The following MDM1 variants were observed in gnomAD, a reference collection of about 807,000 sequenced individuals.
MDM1 encodes the protein Mdm1 nuclear protein.
A neutral mutation model predicts 89.1 loss-of-function variants in MDM1; 61 were observed. That is an observed-to-expected ratio of 0.68 (90% CI 0.56 to 0.85). MDM1 has a LOEUF of 0.85. MDM1 is among the 40% of genes least tolerant of loss of function. MDM1 has a pLI of 0.00. For missense variants in MDM1, 820 were observed against 846.5 expected, an observed-to-expected ratio of 0.97 and a Z score of 0.39; for synonymous variants, 290 against 294.1, an observed-to-expected ratio of 0.99 and a Z score of 0.14.
rs1301029370 is a variant in MDM1 at position 68,330,211 on chromosome 12, T to C, written c.133+896A>G. On this transcript the variant is annotated intron_variant, in intron 2 of 14. Coordinates refer to ENST00000682720, the MANE Select transcript of MDM1 (RefSeq NM_001354969.2). Reference sequence around the variant, plus strand: ...TTGAGTGACTTGCTTACTGTTTCTCTCCACAGTTAAGGGACTTTGGTTCAG... The same window carrying C: ...TTGAGTGACTTGCTTACTGTTTCTCCCCACAGTTAAGGGACTTTGGTTCAG... Among the ~76,000 whole-genome samples, 5 of 152,204 alleles carry C rather than the reference T, an allele frequency of 3.3e-5. No homozygotes were observed. In the East Asian group the frequency reaches 9.6e-4, roughly 29 times the overall value.
Position 68,316,058 on chromosome 12 carries a change from A to G in MDM1, c.1211+20T>C. 2 of 1,571,158 alleles carry G rather than the reference A, an allele frequency of 1.3e-6. No individual in the cohort carries two copies. ...TAAGCTTCAACAAACTTTTTTTGCC[A>G]TCCACAAAGAATATCTCACCCAGCA... On this transcript the variant is annotated intron_variant, in intron 9 of 14. Coordinates refer to ENST00000682720, the MANE Select transcript of MDM1 (RefSeq NM_001354969.2).
At chr12:68,310,854 C>A (rs1460716010) in intron 12 of MDM1, among the ~76,000 whole-genome samples, 1 of 152,212 alleles carries the variant, frequency 6.6e-6, no homozygotes, top group Non-Finnish European at 1.5e-5. Flanking sequence ...TCTGAATGTT[C>A]TCTATTCTAC....
chr12:68,326,534 A>G, intron 3 of MDM1, 123 bp downstream of exon 3: 1 of 1,599,830 alleles, frequency 6.3e-7, no homozygotes, highest in Non-Finnish European at 8.5e-7. Context: ...CTATTCTTAT[A>G]GACATTAGAC....
At chr12:68,324,078 AAT>A (rs1309191539) in intron 4 of MDM1, among the ~76,000 whole-genome samples, 1 of 152,174 alleles carries the variant, frequency 6.6e-6, no homozygotes, top group African/African-American at 2.4e-5. Flanking sequence ...CTCTGAATTC[AAT>A]ATGCTTTGAA....
intron 1 of MDM1, among the ~76,000 whole-genome samples, chr12:68,331,628 G>A (rs752290377): frequency 6.6e-6 from 1 of 152,116 alleles, no homozygotes; most frequent in Non-Finnish European, 1.5e-5. Context: ...GTCAACAAAA[G>A]GCAAACTCCC....
Position 68,302,664 on chromosome 12 carries a change from C to A in MDM1, c.1958G>T (p.Arg653Leu). Residue 653 changes from arginine to leucine, a missense_variant, in exon 13 of 15, where the codon CGA (arginine) becomes CTA (leucine). Coordinates refer to ENST00000682720, the MANE Select transcript of MDM1 (RefSeq NM_001354969.2). ...ATCTCTAAGAGAGCCCTGAATTCGT[C>A]GAGAGGGATGCCAGTAGGATGGAAC... Reference protein sequence around the residue: ...PHVPSYWHPSRRIQGSLRDPE... With the variant: ...PHVPSYWHPSLRIQGSLRDPE... The A allele has an allele frequency of 1.2e-6, 2 of 1,613,676 alleles. No homozygotes were observed. Among genetic ancestry groups the A allele is most frequent in the Non-Finnish European group, 1.7e-6 (2 of 1,179,816 alleles).
chr12:68,313,995 G>C (rs1874091998), intron 10 of MDM1, among the ~76,000 whole-genome samples: 1 of 152,028 alleles, frequency 6.6e-6, no homozygotes. Flanking sequence ...AAATTAGCTG[G>C]GTGTGGTGGC....
At chr12:68,326,416 CAGG>C (rs1875983912) in intron 3 of MDM1, 18 of 1,449,830 alleles carry the variant, frequency 1.2e-5, no homozygotes, top group Non-Finnish European at 1.5e-5. Flanking sequence ...AATCCAGACG[CAGG>C]AGGTCCATCC....
rs540944226 is a variant in MDM1, at chr12:68,295,454, C to T, written c.2063-88G>A. 4 of 826,844 alleles carry T rather than the reference C, an allele frequency of 4.8e-6. No individual in the cohort carries two copies. In the African/African-American group the frequency reaches 7.1e-5, roughly 15 times the overall value. 51.2% of individuals were successfully genotyped at this position (826,844 alleles called of 1,614,324 possible). A position where few individuals can be genotyped will look rare whatever the true frequency, so the allele number is the denominator to read the frequency against. On this transcript the variant is annotated intron_variant, in intron 14 of 14. Transcript: ENST00000682720. ...GTTTTATATAACAGAAAATTAAAAGCATCAAACTGTGTTATCAATGTCAAG... is the reference window on the plus strand; with the variant it reads ...GTTTTATATAACAGAAAATTAAAAGTATCAAACTGTGTTATCAATGTCAAG...
In MDM1 at chr12:68,295,204, A is replaced by G. The variant is rs1281493830; in HGVS notation, c.*50T>C. The stretch of plus-strand genomic sequence containing the variant: ...AAAAAATTTTAACACAGTAAGCAAT[A>G]AAGAAAAATTATGCCAATGTTTCCT... On this transcript the variant is annotated 3_prime_UTR_variant, in exon 15 of 15. Coordinates refer to ENST00000682720, the MANE Select transcript of MDM1 (RefSeq NM_001354969.2). 8.0e-7 allele frequency: 1 copy of G among 1,255,224 alleles called. No individual in the cohort carries two copies. The highest frequency in any genetic ancestry group is 1.1e-6 in the Non-Finnish European group (1 of 885,500). The allele number at this position is 1,255,224 out of a possible 1,614,324, so 77.8% of individuals were successfully genotyped here.
intron 5 of MDM1, among the ~76,000 whole-genome samples, chr12:68,322,118 C>T (rs139636421): frequency 5.0e-4 from 76 of 152,246 alleles, no homozygotes; most frequent in African/African-American, 1.8e-3. Flanking sequence ...CTTGTAATTA[C>T]ATACTTTCTA....
intron 5 of MDM1, among the ~76,000 whole-genome samples, 160 bp from the exon 6 acceptor site, chr12:68,321,788 G>C (rs2121081781): frequency 6.6e-6 from 1 of 152,198 alleles, no homozygotes; most frequent in East Asian, 1.9e-4. Flanking sequence ...CAACAAAGAA[G>C]TTTTGAAATT....
At position 68,302,681 on chromosome 12, in the gene MDM1, G is replaced by A; in HGVS notation, c.1941C>T (p.Ser647=). The A allele has an allele frequency of 6.2e-7, 1 of 1,613,928 alleles. No individual in the cohort carries two copies. Among genetic ancestry groups the A allele is most frequent in the Non-Finnish European group, 8.5e-7 (1 of 1,179,880 alleles). The change falls in exon 13 of 15, where the codon TCC becomes TCT. Residue 647 remains serine (S), a synonymous_variant. Coordinates refer to ENST00000682720, the MANE Select transcript of MDM1 (RefSeq NM_001354969.2). ...GQLPSPPHVP[S]YWHPSRRIQG... is the part of the protein sequence containing the mutation. ...GAATTCGTCGAGAGGGATGCCAGTA[G>A]GATGGAACATGTGGTGGAGAAGGCA...
chr12:68,323,182 T>C lies in MDM1; in HGVS notation c.692A>G (p.Glu231Gly), dbSNP rs763038499. 5.6e-6 allele frequency: 9 copies of C among 1,610,188 alleles called. No individual in the cohort carries two copies. In the East Asian group the frequency reaches 2.0e-4, roughly 36 times the overall value. The change falls in exon 5 of 15, where the codon GAA becomes GGA. Residue 231 changes from glutamate to glycine, a missense_variant. Transcript: ENST00000682720. ...PPFKGNSVIH[E>G]TEYKRNFKGL... ...CTTGAAATTTCTTTTGTATTCAGTT[T>C]CATGGATGACTGAGTTACCTTTGAA... is the stretch of plus-strand genomic sequence containing the variant.
intron 14 of MDM1, 76 bp from the exon 15 acceptor site, chr12:68,295,442 G>GA (rs1411890178): frequency 1.1e-6 from 1 of 941,894 alleles, no homozygotes; most frequent in Non-Finnish European, 1.6e-6. Context: ...TTATATAACA[G>GA]AAAATTAAAA....
intron 7 of MDM1, 132 bp from the exon 8 acceptor site, chr12:68,316,742 T>G: frequency 2.7e-6 from 2 of 753,578 alleles, no homozygotes; most frequent in Non-Finnish European, 4.3e-6. Flanking sequence ...TTCTTGGGAT[T>G]TTTAGTAATT....
chr12:68,298,827 T>C (rs1045307490), intron 13 of MDM1, among the ~76,000 whole-genome samples: 1 of 152,116 alleles, frequency 6.6e-6, no homozygotes, highest in African/African-American at 2.4e-5. Context: ...GCCTGAACTA[T>C]CAACTCAGTA....
intron 4 of MDM1, chr12:68,323,478 T>C (rs1050240172): frequency 1.6e-5 from 5 of 321,392 alleles, no homozygotes; most frequent in Non-Finnish European, 2.2e-5. Flanking sequence ...AAAATAAACG[T>C]TGGCATATTT....
chr12:68,309,893 A>G (rs1873453306), intron 12 of MDM1, among the ~76,000 whole-genome samples: 1 of 152,234 alleles, frequency 6.6e-6, no homozygotes, highest in Admixed American at 6.5e-5. Flanking sequence ...AGTCCCTGGT[A>G]GTGCTGGTCG....
Sources: allele counts gnomAD v4.1 joint callset (sites outside exome capture counted in the v4.1 genomes callset), GRCh38; gene constraint gnomAD v4.1.1; transcripts MANE v1.5; gene names NCBI Gene and HGNC (gene_info 2026-07-23, HGNC 2026-07-21).